Variants in TAF2 observed in about 807,000 individuals in gnomAD.
TAF2 encodes the protein TATA-box binding protein associated factor 2.
Under a neutral mutation model 138.5 loss-of-function variants are expected in TAF2, and 61 were observed. The observed-to-expected ratio is 0.44, with a 90% CI of 0.36 to 0.54. TAF2 has a LOEUF of 0.54. Among genes scored for constraint, TAF2 ranks in the 20% least tolerant of loss-of-function variants. TAF2 has a pLI of 0.00. For synonymous variants in TAF2, 475 were observed against 469.9 expected, an observed-to-expected ratio of 1.01 and a Z score of -0.14; for missense variants, 1,090 against 1,427.9, an observed-to-expected ratio of 0.76 and a Z score of 3.81.
chr8:119,790,648 A>G (rs1407184873), intron 11 of TAF2, among the ~76,000 whole-genome samples: 1 of 152,208 alleles, frequency 6.6e-6, no homozygotes, highest in Non-Finnish European at 1.5e-5. Flanking sequence ...CTTAAAATAC[A>G]TGGCAAAATT....
chr8:119,791,251 A>G (rs1185563243), intron 11 of TAF2, 73 bp downstream of exon 11: 1 of 1,562,952 alleles, frequency 6.4e-7, no homozygotes, highest in East Asian at 2.3e-5. Flanking sequence ...CTCCTATTCT[A>G]CAGAAACATA....
chr8:119,760,413 T>A (rs1375510374), intron 20 of TAF2, 186 bp downstream of exon 20: 1 of 661,776 alleles, frequency 1.5e-6, no homozygotes, highest in Non-Finnish European at 2.4e-6. Context: ...ATTTTATTCC[T>A]TTCCCTCATT....
chr8:119,776,862 A>G (rs1327508976), intron 18 of TAF2, among the ~76,000 whole-genome samples: 1 of 151,694 alleles, frequency 6.6e-6, no homozygotes, highest in Non-Finnish European at 1.5e-5. Context: ...AACTTCCCTG[A>G]GTCTCTCCCT....
At chr8:119,745,213 G>A (rs548138752) in intron 23 of TAF2, among the ~76,000 whole-genome samples, 1 of 152,286 alleles carries the variant, frequency 6.6e-6, no homozygotes, top group South Asian at 2.1e-4. Flanking sequence ...TTTGGGGGGA[G>A]AAGGGAGGTA....
Position 119,762,447 on chromosome 8 carries a change from A to T in TAF2, c.2526T>A (p.Leu842=). The T allele has an allele frequency of 6.2e-7, 1 of 1,613,980 alleles. No individual in the cohort carries two copies. Among genetic ancestry groups the T allele is most frequent in the African/African-American group, 1.3e-5 (1 of 75,050 alleles). ...EITRFLNMEK[L]LPSYRHTITV... ...TGATGGTATGCCTGTAACTCGGAAG[A>T]AGTTTTTCCATATTCAAAAATCTGG... The change falls in exon 19 of 26, where the codon CTT becomes CTA. Residue 842 remains leucine (L), a synonymous_variant. Transcript: ENST00000378164.
chr8:119,802,016 G>A lies in TAF2; in HGVS notation c.570C>T (p.Phe190=), dbSNP rs1201153708. ...CGYQNSTRFW[F]PCVDSYSELC... ...ATTCAGAGTATGAATCAACACAAGG[G>A]AACCAAAATCTAGAAAAAAGATTGA... The change falls in exon 6 of 26, where the codon TTC becomes TTT. Residue 190 remains phenylalanine, a synonymous_variant. Coordinates refer to ENST00000378164, the MANE Select transcript of TAF2 (RefSeq NM_003184.4). The A allele has an allele frequency of 6.8e-6, 11 of 1,613,010 alleles. No homozygotes were observed. The highest frequency in any genetic ancestry group is 9.3e-6 in the Non-Finnish European group (11 of 1,179,546).
At chr8:119,826,591 C>T (rs1174830286) in intron 2 of TAF2, among the ~76,000 whole-genome samples, 1 of 151,464 alleles carries the variant, frequency 6.6e-6, no homozygotes, top group Non-Finnish European at 1.5e-5. Context: ...CATTCCATTT[C>T]CTCCTTTTTT....
intron 22 of TAF2, among the ~76,000 whole-genome samples, chr8:119,752,597 G>T (rs1820426168): frequency 6.6e-6 from 1 of 152,150 alleles, no homozygotes; most frequent in Non-Finnish European, 1.5e-5. Context: ...TAAAAGTCAT[G>T]AGTATCATTC....
At chr8:119,800,205 A>T (rs1168309212) in intron 6 of TAF2, among the ~76,000 whole-genome samples, 3 of 152,160 alleles carry the variant, frequency 2.0e-5, no homozygotes, top group Non-Finnish European at 4.4e-5. Context: ...GTTTTAGATA[A>T]GAAGTCCTTG....
At chr8:119,800,258 A>T (rs1293985405) in intron 6 of TAF2, among the ~76,000 whole-genome samples, 1 of 152,162 alleles carries the variant, frequency 6.6e-6, no homozygotes, top group East Asian at 1.9e-4. Flanking sequence ...GTTTTCTTCT[A>T]GGGTTTTTAT....
intron 22 of TAF2, among the ~76,000 whole-genome samples, chr8:119,747,372 T>G (rs182552968): frequency 6.6e-6 from 1 of 152,302 alleles, no homozygotes; most frequent in Admixed American, 6.5e-5. Flanking sequence ...CTAAACACCT[T>G]TGTATTTGTG....
At chr8:119,742,942 G>C (rs1050427316) in intron 24 of TAF2, among the ~76,000 whole-genome samples, 2 of 151,728 alleles carry the variant, frequency 1.3e-5, no homozygotes, top group Non-Finnish European at 2.9e-5. Flanking sequence ...GGTGGTGCGC[G>C]CCTGTAGTCC....
At chr8:119,821,370 T>C (rs139921434) in intron 2 of TAF2, among the ~76,000 whole-genome samples, 1 of 152,306 alleles carries the variant, frequency 6.6e-6, no homozygotes, top group East Asian at 1.9e-4. Flanking sequence ...ATTTTAAACA[T>C]TTCCCCTGTG....
At chr8:119,745,120 A>G in intron 23 of TAF2, 1 of 436,740 alleles carries the variant, frequency 2.3e-6, no homozygotes, top group Non-Finnish European at 4.6e-6. Flanking sequence ...TATAGCAACC[A>G]TGCAGATTAG....
At chr8:119,799,521 A>C (rs1025084731) in intron 6 of TAF2, among the ~76,000 whole-genome samples, 1 of 152,198 alleles carries the variant, frequency 6.6e-6, no homozygotes, top group Non-Finnish European at 1.5e-5. Context: ...TCCATGATGC[A>C]TATGTGCCAC....
At chr8:119,737,756 C>A (rs1819326056) in intron 25 of TAF2, among the ~76,000 whole-genome samples, 1 of 152,074 alleles carries the variant, frequency 6.6e-6, no homozygotes, top group Non-Finnish European at 1.5e-5. Flanking sequence ...TGATCCCCCA[C>A]CTTGGCCTCC....
intron 7 of TAF2, among the ~76,000 whole-genome samples, 199 bp from the exon 8 acceptor site, chr8:119,797,302 G>T (rs1400339997): frequency 6.6e-6 from 1 of 152,068 alleles, no homozygotes; most frequent in African/African-American, 2.4e-5. Context: ...TTCCACTGAT[G>T]ATATCAGTAA....
At chr8:119,793,501 T>C in intron 9 of TAF2, 50 bp from the exon 10 acceptor site, 1 of 1,323,560 alleles carries the variant, frequency 7.6e-7, no homozygotes, top group Non-Finnish European at 1.1e-6. Context: ...AAGTAACATT[T>C]TTTTACATAC....
chr8:119,788,253 T>C (rs1200796621), intron 14 of TAF2, 85 bp downstream of exon 14: 1 of 1,184,024 alleles, frequency 8.4e-7, no homozygotes, highest in Admixed American at 1.7e-5. Flanking sequence ...AAAAATTAGG[T>C]ATACAAGAGA....
Sources: gnomAD v4.1 joint callset for allele counts (sites outside exome capture counted in the v4.1 genomes callset) on GRCh38, gnomAD v4.1.1 for gene constraint, MANE v1.5 for transcripts, NCBI Gene and HGNC (gene_info 2026-07-23, HGNC 2026-07-21) for gene names.